Variants in CREB3L3 observed in about 807,000 individuals in gnomAD.
CREB3L3 encodes cAMP responsive element binding protein 3 like 3.
In CREB3L3, 40 loss-of-function variants were observed where a neutral mutation model predicts 44.6. That is an observed-to-expected ratio of 0.90 (90% CI 0.70 to 1.17). CREB3L3 has a LOEUF of 1.17. CREB3L3 is among the 50% of genes most tolerant of loss of function. The probability of loss-of-function intolerance (pLI) is 0.00; values close to 1 mark genes in which losing one functional copy is unlikely to be tolerated. For missense variants in CREB3L3, 578 were observed against 595.8 expected (o/e 0.97, Z 0.31); for synonymous variants, 273 against 256.3 (o/e 1.06, Z -0.62).
chr19:4,167,393 G>C, intron 5 of CREB3L3, among the ~76,000 whole-genome samples: 1 of 131,508 alleles, frequency 7.6e-6, no homozygotes, highest in East Asian at 2.2e-4. Context: ...GGAAAGAAAA[G>C]AAAGAAAGAA....
chr19:4,165,058 C>A (rs1392412340), intron 5 of CREB3L3, among the ~76,000 whole-genome samples: 1 of 152,120 alleles, frequency 6.6e-6, no homozygotes, highest in East Asian at 1.9e-4. Flanking sequence ...CTGTGTCTGT[C>A]ACCAGAGCCA....
At chr19:4,169,307 G>A (rs1186938332) in intron 6 of CREB3L3, among the ~76,000 whole-genome samples, 1 of 151,534 alleles carries the variant, frequency 6.6e-6, no homozygotes, top group Non-Finnish European at 1.5e-5. Context: ...GTGAAACTCT[G>A]TCTTTACAAA....
intron 5 of CREB3L3, among the ~76,000 whole-genome samples, chr19:4,167,488 G>GAGAGAA (rs10582604): frequency 4.6e-4 from 57 of 124,394 alleles, no homozygotes; most frequent in African/African-American, 1.5e-3. Context: ...AGGAAAGAAA[G>GAGAGAA]AGAGAAAGAG....
Position 4,156,999 on chromosome 19 carries a change from T to C in CREB3L3, c.161T>C (p.Val54Ala). 6.2e-7 allele frequency: 1 copy of C among 1,613,994 alleles called. No homozygotes were observed. Among genetic ancestry groups the C allele is most frequent in the Non-Finnish European group, 8.5e-7 (1 of 1,179,978 alleles). The change falls in exon 3 of 10, where the codon GTC (valine) becomes GCC (alanine). Residue 54 changes from valine (V) to alanine (A), a missense_variant. Physicochemically the swap from Val to Ala is moderately conservative, Grantham distance 64. Coordinates refer to ENST00000078445, the MANE Select transcript of CREB3L3 (RefSeq NM_032607.3). Reference sequence around the variant, plus strand: ...ACCCCTCCCTGTCCACCCCAGCAGGTCCTGCCAAACCCCGACTCTGACGAC... The same window carrying C: ...ACCCCTCCCTGTCCACCCCAGCAGGCCCTGCCAAACCCCGACTCTGACGAC... ...EGWGHVKDQQ[V>A]LPNPDSDDFL...
chr19:4,166,456 G>C (rs1439463799), intron 5 of CREB3L3, among the ~76,000 whole-genome samples: 1 of 136,654 alleles, frequency 7.3e-6, no homozygotes, highest in African/African-American at 2.8e-5. Flanking sequence ...AGTAGAGACA[G>C]AGTTTCACCA....
Position 4,167,500 on chromosome 19 carries a change from A to AAGAGAAAG in CREB3L3, c.715-834_715-827dup, listed in dbSNP as rs765755876. On this transcript the variant is annotated intron_variant, in intron 5 of 9. Transcript: ENST00000078445. ...AAAAGGAAAGAAAGAGAGAAAGAGA[A>AAGAGAAAG]AGAGAAAGAGAGAAAGAGAGAAAGG... Among the ~76,000 whole-genome samples the AAGAGAAAG allele has an allele frequency of 2.9e-5, 4 of 139,374 alleles. No individual in the cohort carries two copies. The East Asian group carries it at 1.0e-3, about 35-fold the overall frequency. 91.4% of individuals were successfully genotyped at this position (139,374 alleles called of 152,430 possible).
At position 4,159,783 on chromosome 19, in the gene CREB3L3, G is replaced by A. The variant is rs767462697; in HGVS notation, c.576+1G>A. The A allele has an allele frequency of 1.7e-5, 23 of 1,323,268 alleles. No homozygotes were observed. The highest frequency in any genetic ancestry group is 2.5e-5 in the Non-Finnish European group (23 of 914,630). The allele number at this position is 1,323,268 out of a possible 1,614,324, so 82.0% of individuals were successfully genotyped here. A position where few individuals can be genotyped will look rare whatever the true frequency, so the allele number is the denominator to read the frequency against. ...CCTTTCGGGCAGCAGTGGGGACCTG[G>A]TGAGCACCCCCACACCCTCCCATGG... On this transcript the variant is annotated splice_donor_variant, in intron 4 of 9. Coordinates refer to ENST00000078445, the MANE Select transcript of CREB3L3 (RefSeq NM_032607.3). LOFTEE classifies it high-confidence loss of function.
intron 4 of CREB3L3, among the ~76,000 whole-genome samples, chr19:4,162,762 T>G (rs2041676314): frequency 6.9e-6 from 1 of 145,970 alleles, no homozygotes; most frequent in Non-Finnish European, 1.5e-5. Context: ...ACAGATTGCT[T>G]GAGCCCAGGA....
chr19:4,171,260 C>T lies in CREB3L3; in HGVS notation c.975+85C>T. 6.9e-7 allele frequency: 1 copy of T among 1,456,928 alleles called. No individual in the cohort carries two copies. Among genetic ancestry groups the T allele is most frequent in the Non-Finnish European group, 9.6e-7 (1 of 1,039,178 alleles). The allele number at this position is 1,456,928 out of a possible 1,614,324, so 90.3% of individuals were successfully genotyped here. A position where few individuals can be genotyped will look rare whatever the true frequency, so the allele number is the denominator to read the frequency against. ...GGAGGTGACAATGAGTCCAAGCTCT[C>T]CTTGTGCCCCAGCTCAAGTATGATC... On this transcript the variant is annotated intron_variant, in intron 8 of 9. Transcript: ENST00000078445. This position sits in a 1 kb window ranked among gnomAD's most constrained non-coding sequence, Gnocchi z 4.9.
At chr19:4,166,699 T>C (rs999097030) in intron 5 of CREB3L3, among the ~76,000 whole-genome samples, 19 of 150,338 alleles carry the variant, frequency 1.3e-4, no homozygotes, top group African/African-American at 4.4e-4. Flanking sequence ...CCTGGCCCCA[T>C]CTGTTTCTAT....
At chr19:4,167,354 G>GAAAGA (rs10669157) in intron 5 of CREB3L3, among the ~76,000 whole-genome samples, 3 of 130,688 alleles carry the variant, frequency 2.3e-5, no homozygotes, top group African/African-American at 8.9e-5. Flanking sequence ...AAGAAAGAAA[G>GAAAGA]AGAGAGAGAG....
chr19:4,171,485 G>T lies in CREB3L3; in HGVS notation c.1072+6G>T. ...GGACTTTGCGCCTGTACGAGGTAGG[G>T]GATCCCCACCTTTGAAACCCTTGTC... On this transcript the variant is annotated splice_donor_region_variant and intron_variant, in intron 9 of 9. Coordinates refer to ENST00000078445, the MANE Select transcript of CREB3L3 (RefSeq NM_032607.3). The surrounding 1 kb of genome is among the most constrained non-coding windows in gnomAD (Gnocchi z 4.9). The T allele has an allele frequency of 6.2e-7, 1 of 1,613,886 alleles. No individual in the cohort carries two copies. Among genetic ancestry groups the T allele is most frequent in the South Asian group, 1.1e-5 (1 of 91,076 alleles).
chr19:4,162,285 C>A (rs1294062779), intron 4 of CREB3L3, among the ~76,000 whole-genome samples: 3 of 152,030 alleles, frequency 2.0e-5, no homozygotes, highest in Non-Finnish European at 4.4e-5. Context: ...GGATTACAGG[C>A]ATGAGCCACT....
intron 4 of CREB3L3, among the ~76,000 whole-genome samples, chr19:4,161,439 A>G (rs1401297300): frequency 1.3e-5 from 2 of 152,100 alleles, no homozygotes; most frequent in African/African-American, 2.4e-5. Flanking sequence ...TTAATTTTAC[A>G]TAGGAGAAAA....
intron 1 of CREB3L3, among the ~76,000 whole-genome samples, chr19:4,154,458 C>A (rs1442408299): frequency 6.6e-6 from 1 of 152,064 alleles, no homozygotes; most frequent in Non-Finnish European, 1.5e-5. Context: ...CAGCCTCAAC[C>A]TCCTGGGTTC....
intron 5 of CREB3L3, among the ~76,000 whole-genome samples, chr19:4,167,362 G>C (rs952757826): frequency 7.0e-6 from 1 of 142,722 alleles, no homozygotes; most frequent in Admixed American, 7.3e-5. Context: ...AAGAGAGAGA[G>C]AGAGAGAGAG....
chr19:4,159,380 ACC>A (rs2041629511), intron 3 of CREB3L3, among the ~76,000 whole-genome samples: 1 of 114,998 alleles, frequency 8.7e-6, no homozygotes, highest in African/African-American at 3.1e-5. Context: ...TGAACTCCTA[ACC>A]TCAGATGATC....
chr19:4,158,795 G>A (rs1207249361), intron 3 of CREB3L3, among the ~76,000 whole-genome samples: 10 of 135,798 alleles, frequency 7.4e-5, no homozygotes, highest in East Asian at 4.2e-4. Flanking sequence ...GCGAGACTCC[G>A]TCTCAAAAAA....
intron 5 of CREB3L3, 29 bp from the exon 6 acceptor site, chr19:4,168,322 G>T: frequency 6.3e-7 from 1 of 1,589,450 alleles, no homozygotes; most frequent in South Asian, 1.1e-5. Context: ...TTTCTGGCCT[G>T]AAACCCTCCT....
Sources: allele counts gnomAD v4.1 joint callset (sites outside exome capture counted in the v4.1 genomes callset), GRCh38; gene constraint gnomAD v4.1.1; non-coding constraint Gnocchi (gnomAD v3.1); transcripts MANE v1.5; gene names NCBI Gene and HGNC (gene_info 2026-07-23, HGNC 2026-07-21).